Variants in NOVA1 observed in about 807,000 individuals in gnomAD.
The protein encoded by NOVA1 is NOVA alternative splicing regulator 1.
A neutral mutation model predicts 38.0 loss-of-function variants in NOVA1; 7 were observed. That is an observed-to-expected ratio of 0.18 (90% CI 0.10 to 0.35). NOVA1 has a LOEUF of 0.35. Ranked by LOEUF, NOVA1 falls within the 10% of genes least tolerant of loss-of-function variation. NOVA1 has a pLI of 1.00. For missense variants in NOVA1, 460 were observed against 616.0 expected, an observed-to-expected ratio of 0.75 and a Z score of 2.68; for synonymous variants, 270 against 232.5, an observed-to-expected ratio of 1.16 and a Z score of -1.47.
At position 26,490,839 on chromosome 14, in the gene NOVA1, C is replaced by A. The variant is rs1351245811; in HGVS notation, c.281-10696G>T. 2.2e-5 allele frequency among the ~76,000 whole-genome samples: 3 copies of A among 134,044 alleles called. No individual in the cohort carries two copies. In the Admixed American group the frequency reaches 2.5e-4, roughly 11 times the overall value. 87.9% of individuals were successfully genotyped at this position (134,044 alleles called of 152,430 possible). ...TACAGGTGCGCACCATCACATCTGG[C>A]TAGTTTTTTTTTTTTTTTTTTTTTT... On this transcript the variant is annotated intron_variant, in intron 2 of 4. Transcript: ENST00000539517.
intron 2 of NOVA1, among the ~76,000 whole-genome samples, chr14:26,522,544 G>A (rs562545209): frequency 7.9e-5 from 12 of 152,096 alleles, no homozygotes; most frequent in African/African-American, 1.9e-4. Context: ...GCTAATTTTC[G>A]TAGCCATTTA....
chr14:26,585,784 G>A (rs1391803642), intron 2 of NOVA1, among the ~76,000 whole-genome samples: 1 of 119,416 alleles, frequency 8.4e-6, no homozygotes, highest in African/African-American at 3.1e-5. Flanking sequence ...ACACAGGATA[G>A]CATGCTAAAC....
chr14:26,464,135 C>T (rs1028412528), intron 4 of NOVA1, among the ~76,000 whole-genome samples: 1 of 152,160 alleles, frequency 6.6e-6, no homozygotes, highest in Admixed American at 6.6e-5. Context: ...CTAGATCACA[C>T]TTTTTCTTTA....
At chr14:26,472,256 T>C in intron 4 of NOVA1, 64 bp downstream of exon 4, 2 of 950,530 alleles carry the variant, frequency 2.1e-6, no homozygotes, top group South Asian at 2.7e-5. Context: ...CCATTATCTT[T>C]TTCTCCAGTT....
At chr14:26,487,285 T>C (rs1412586796) in intron 2 of NOVA1, among the ~76,000 whole-genome samples, 1 of 152,152 alleles carries the variant, frequency 6.6e-6, no homozygotes, top group Non-Finnish European at 1.5e-5. Context: ...CCTTTCTATG[T>C]CCCTATACGC....
chr14:26,485,117 ATGAAAGG>A (rs984570711), intron 2 of NOVA1, among the ~76,000 whole-genome samples: 1 of 152,170 alleles, frequency 6.6e-6, no homozygotes, highest in African/African-American at 2.4e-5. Flanking sequence ...AAACAACAGT[ATGAAAGG>A]GACTTTGTCA....
At chr14:26,560,422 A>T (rs1390155199) in intron 2 of NOVA1, among the ~76,000 whole-genome samples, 1 of 152,132 alleles carries the variant, frequency 6.6e-6, no homozygotes, top group Admixed American at 6.6e-5. Flanking sequence ...TTTGGGGATA[A>T]AAATCAAGTA....
chr14:26,487,520 T>A (rs1886011954), intron 2 of NOVA1, among the ~76,000 whole-genome samples: 1 of 152,094 alleles, frequency 6.6e-6, no homozygotes. Context: ...AGGACAGATA[T>A]CTCCAACTTA....
At chr14:26,482,245 A>G (rs1229105109) in intron 2 of NOVA1, among the ~76,000 whole-genome samples, 1 of 152,194 alleles carries the variant, frequency 6.6e-6, no homozygotes, top group Non-Finnish European at 1.5e-5. Flanking sequence ...CAATTGCAGT[A>G]CATACTGTTT....
intron 2 of NOVA1, among the ~76,000 whole-genome samples, chr14:26,589,875 T>C (rs191297230): frequency 1.3e-5 from 2 of 151,920 alleles, no homozygotes; most frequent in East Asian, 1.9e-4. Context: ...CTTTAAAGAA[T>C]AAAATGAAGA....
chr14:26,450,016 C>T (rs954951787), intron 4 of NOVA1, among the ~76,000 whole-genome samples: 2 of 152,032 alleles, frequency 1.3e-5, no homozygotes, highest in South Asian at 4.1e-4. Flanking sequence ...ATTATGGAAG[C>T]ATAATGACAC....
chr14:26,476,053 T>C, intron 3 of NOVA1, among the ~76,000 whole-genome samples: 1 of 152,192 alleles, frequency 6.6e-6, no homozygotes, highest in East Asian at 1.9e-4. Context: ...CAATCCCCTA[T>C]TTTGAGTTCT....
intron 2 of NOVA1, among the ~76,000 whole-genome samples, chr14:26,576,573 A>G (rs1208535572): frequency 6.6e-6 from 1 of 151,868 alleles, no homozygotes; most frequent in Non-Finnish European, 1.5e-5. Context: ...GGTTCAATAT[A>G]TATTTATCAT....
chr14:26,587,323 AC>A (rs1362982142), intron 2 of NOVA1, among the ~76,000 whole-genome samples: 7 of 150,142 alleles, frequency 4.7e-5, no homozygotes, highest in South Asian at 4.2e-4. Flanking sequence ...AAAAAAAAAA[AC>A]AAAAATCTAA....
chr14:26,543,510 A>G (rs1279125544), intron 2 of NOVA1, among the ~76,000 whole-genome samples: 3 of 152,056 alleles, frequency 2.0e-5, no homozygotes, highest in Non-Finnish European at 4.4e-5. Context: ...AGTATTAATG[A>G]GAACACACTA....
chr14:26,579,414 TTACAAA>T (rs1398623445), intron 2 of NOVA1, among the ~76,000 whole-genome samples: 5 of 152,284 alleles, frequency 3.3e-5, no homozygotes, highest in South Asian at 4.1e-4. Context: ...ATTTACACTA[TTACAAA>T]TACAAAGATT....
At chr14:26,539,665 T>C (rs1328200694) in intron 2 of NOVA1, among the ~76,000 whole-genome samples, 1 of 152,152 alleles carries the variant, frequency 6.6e-6, no homozygotes, top group Non-Finnish European at 1.5e-5. Flanking sequence ...TTCAAAGTTA[T>C]AGACTGAAAT....
At chr14:26,470,548 G>T in intron 4 of NOVA1, 2 of 1,152,280 alleles carry the variant, frequency 1.7e-6, no homozygotes, top group South Asian at 1.3e-5. Context: ...GAGTATAGTG[G>T]ACAGAATATA....
chr14:26,462,317 T>C (rs982879812), intron 4 of NOVA1, among the ~76,000 whole-genome samples: 4 of 152,174 alleles, frequency 2.6e-5, no homozygotes, highest in Non-Finnish European at 4.4e-5. Flanking sequence ...TCACAAAGTA[T>C]GTATATTGTT....
Sources: allele counts gnomAD v4.1 joint callset (sites outside exome capture counted in the v4.1 genomes callset), GRCh38; gene constraint gnomAD v4.1.1; transcripts MANE v1.5; gene names NCBI Gene and HGNC (gene_info 2026-07-23, HGNC 2026-07-21).